The following ARHGAP8 variants were observed in gnomAD, a reference collection of about 807,000 sequenced individuals.
The protein encoded by ARHGAP8 is rho GTPase-activating protein 8.
ARHGAP8 carries 62 observed loss-of-function variants against 46.1 expected under a neutral mutation model. The ratio of observed to expected loss-of-function variants is 1.34; its 90% CI spans 1.10 to 1.66. The LOEUF (loss-of-function observed/expected upper bound fraction) is 1.66. Ranked by LOEUF, ARHGAP8 falls within the 40% of genes most tolerant of loss-of-function variation. The probability of loss-of-function intolerance (pLI) is 0.00; values close to 1 mark genes in which losing one functional copy is unlikely to be tolerated. For missense variants in ARHGAP8, 923 were observed against 568.4 expected (o/e 1.62, Z -6.34); for synonymous variants, 375 against 243.1 (o/e 1.54, Z -5.05).
chr22:44,822,296 C>T lies in ARHGAP8; in HGVS notation c.387-75C>T. On this transcript the variant is annotated intron_variant, in intron 5 of 11. Transcript: ENST00000356099. ...CCTGCATTGTTCTGCCGCCAACTCC[C>T]CCTCCCTCCCTGCAACCCTCGGCCT... 5 of 1,299,862 alleles carry T rather than the reference C, an allele frequency of 3.8e-6. No homozygotes were observed. The South Asian group carries it at 5.7e-5, about 15-fold the overall frequency. The allele number at this position is 1,299,862 out of a possible 1,614,324, so 80.5% of individuals were successfully genotyped here.
At chr22:44,824,562 C>T (rs1006478217) in intron 6 of ARHGAP8, among the ~76,000 whole-genome samples, 2 of 152,062 alleles carry the variant, frequency 1.3e-5, no homozygotes, top group Non-Finnish European at 2.9e-5. Flanking sequence ...GGCTTCAATA[C>T]GTATTTGCCT....
At chr22:44,845,423 C>G in intron 8 of ARHGAP8, 81 bp downstream of exon 8, 1 of 1,585,104 alleles carries the variant, frequency 6.3e-7, no homozygotes, top group Non-Finnish European at 8.6e-7. Flanking sequence ...GGATCCTGAG[C>G]ACCCACAAGC....
intron 10 of ARHGAP8, chr22:44,850,503 C>T (rs1157358859): frequency 2.6e-5 from 4 of 152,226 alleles, no homozygotes; most frequent in African/African-American, 9.6e-5. Flanking sequence ...TTCCAGAAGC[C>T]TCCCAACTTC....
chr22:44,846,995 A>G (rs114166084), intron 8 of ARHGAP8, among the ~76,000 whole-genome samples: 3,202 of 152,304 alleles, frequency 0.021, 114 homozygotes, highest in African/African-American at 0.073. Context: ...GAGCAGGTGA[A>G]GGGGCTCGTG....
chr22:44,862,635 C>A lies in ARHGAP8; in HGVS notation c.*40C>A. On this transcript the variant is annotated 3_prime_UTR_variant, in exon 12 of 12. Transcript: ENST00000356099. ...TGTATATTTCGAGCTACCTCCCACA[C>A]CTGTCTGTGCACTTGTATGTTTTGT... The A allele has an allele frequency of 6.6e-7, 1 of 1,518,292 alleles. No homozygotes were observed. The allele number at this position is 1,518,292 out of a possible 1,614,324, so 94.1% of individuals were successfully genotyped here. A position where few individuals can be genotyped will look rare whatever the true frequency, so the allele number is the denominator to read the frequency against.
chr22:44,816,725 A>G (rs1929768785), intron 5 of ARHGAP8, among the ~76,000 whole-genome samples: 1 of 147,804 alleles, frequency 6.8e-6, no homozygotes, highest in African/African-American at 2.5e-5. Context: ...GGATTGCTTG[A>G]GTCCAGGACT....
chr22:44,845,017 G>A (rs569625881), intron 7 of ARHGAP8, among the ~76,000 whole-genome samples: 22 of 152,234 alleles, frequency 1.4e-4, no homozygotes, highest in Non-Finnish European at 3.1e-4. Flanking sequence ...CCCTGGGGAA[G>A]CCCTCCCCAA....
chr22:44,861,490 C>T (rs979652252), intron 11 of ARHGAP8, among the ~76,000 whole-genome samples: 1 of 152,072 alleles, frequency 6.6e-6, no homozygotes, highest in African/African-American at 2.4e-5. Flanking sequence ...TGAAAGGCAT[C>T]CAGCCATCTC....
chr22:44,845,188 G>A, intron 7 of ARHGAP8, 81 bp from the exon 8 acceptor site: 1 of 1,558,230 alleles, frequency 6.4e-7, no homozygotes, highest in African/African-American at 1.4e-5. Flanking sequence ...ACAGGGGTGT[G>A]GAGAGGACCA....
chr22:44,815,791 T>C (rs1350118823), intron 5 of ARHGAP8, among the ~76,000 whole-genome samples: 1 of 151,986 alleles, frequency 6.6e-6, no homozygotes, highest in Non-Finnish European at 1.5e-5. Context: ...GCATCTTGTA[T>C]TTTCTTCCGT....
chr22:44,825,693 A>G (rs1930461593), intron 7 of ARHGAP8, 100 bp downstream of exon 7: 1 of 1,356,404 alleles, frequency 7.4e-7, no homozygotes, highest in Non-Finnish European at 1.0e-6. Context: ...GTTTGTCTCC[A>G]GCAGCCAAGC....
intron 2 of ARHGAP8, among the ~76,000 whole-genome samples, chr22:44,790,443 A>C (rs879854913): frequency 7.2e-5 from 11 of 152,118 alleles, no homozygotes; most frequent in Middle Eastern, 6.8e-3. Context: ...TAGAAGCCCA[A>C]GGAAGGCGGG....
chr22:44,858,196 C>T (rs1465579928), intron 10 of ARHGAP8, among the ~76,000 whole-genome samples: 1 of 152,110 alleles, frequency 6.6e-6, no homozygotes, highest in Non-Finnish European at 1.5e-5. Context: ...TTGTAGAGCA[C>T]CCGGTGGTCA....
At chr22:44,826,613 G>C (rs1003106343) in intron 7 of ARHGAP8, among the ~76,000 whole-genome samples, 51 of 152,130 alleles carry the variant, frequency 3.4e-4, no homozygotes, top group African/African-American at 1.2e-3. Flanking sequence ...TTTTAGTAGA[G>C]ACAGGGTTTG....
intron 1 of ARHGAP8, among the ~76,000 whole-genome samples, chr22:44,782,896 T>A (rs180793716): frequency 5.3e-5 from 8 of 152,180 alleles, no homozygotes; most frequent in Non-Finnish European, 1.0e-4. Flanking sequence ...GCTGCCACGC[T>A]GTTTTCCACG....
chr22:44,838,067 G>A (rs572932140), intron 7 of ARHGAP8, among the ~76,000 whole-genome samples: 13 of 152,162 alleles, frequency 8.5e-5, no homozygotes, highest in South Asian at 4.2e-4. Context: ...TCCACCTCCC[G>A]GGTTCAAATG....
At chr22:44,781,732 C>T (rs1926862743) in intron 1 of ARHGAP8, among the ~76,000 whole-genome samples, 1 of 152,176 alleles carries the variant, frequency 6.6e-6, no homozygotes, top group Non-Finnish European at 1.5e-5. Context: ...ACCATGTTAG[C>T]CAGGCTGGTC....
At chr22:44,817,664 T>C (rs9626570) in intron 5 of ARHGAP8, among the ~76,000 whole-genome samples, 20,208 of 151,138 alleles carry the variant, frequency 0.13, 1,964 homozygotes, top group East Asian at 0.37. Flanking sequence ...AATTAGCGGG[T>C]GTGGTGGTGG....
chr22:44,766,099 GGTCT>G (rs148049649), intron 1 of ARHGAP8: 8,208 of 152,474 alleles, frequency 0.054, 533 homozygotes, highest in African/African-American at 0.15. Context: ...CCTGATCCTG[GGTCT>G]GCATGCGAGG....
Sources: allele counts gnomAD v4.1 joint callset (sites outside exome capture counted in the v4.1 genomes callset), GRCh38; gene constraint gnomAD v4.1.1; transcripts MANE v1.5; gene names NCBI Gene and HGNC (gene_info 2026-07-23, HGNC 2026-07-21).